FSIP1: variants seen among roughly 807,000 people sequenced by gnomAD.
FSIP1 encodes the protein fibrous sheath interacting protein 1.
In FSIP1, 65 loss-of-function variants were observed where a neutral mutation model predicts 60.9. The observed-to-expected ratio is 1.07, with a 90% CI of 0.87 to 1.31. The LOEUF (loss-of-function observed/expected upper bound fraction) is 1.31. Among genes scored for constraint, FSIP1 ranks in the 40% most tolerant of loss-of-function variants. FSIP1 has a pLI of 0.00. For missense variants in FSIP1, 675 were observed against 665.5 expected (o/e 1.01, Z -0.16); for synonymous variants, 209 against 221.2 (o/e 0.94, Z 0.49).
intron 7 of FSIP1, among the ~76,000 whole-genome samples, chr15:39,739,377 T>A (rs548624147): frequency 9.8e-5 from 15 of 152,370 alleles, no homozygotes; most frequent in African/African-American, 3.6e-4. Context: ...ATTATCTGAA[T>A]AAATGTTTTG....
At position 39,776,530 on chromosome 15, in the gene FSIP1, T is replaced by G; in HGVS notation, c.-6A>C. On this transcript the variant is annotated splice_region_variant and 5_prime_UTR_variant, in exon 2 of 12. Transcript: ENST00000350221. ...TTTCCCTTTATAATATCCATTGAAA[T>G]CCTGAAACAACAAATAAAATATTTA... 1 of 1,593,684 alleles carries G rather than the reference T, an allele frequency of 6.3e-7. No homozygotes were observed. The highest frequency in any genetic ancestry group is 8.6e-7 in the Non-Finnish European group (1 of 1,168,168).
intron 10 of FSIP1, among the ~76,000 whole-genome samples, chr15:39,703,717 A>G (rs1219141123): frequency 2.0e-5 from 3 of 152,224 alleles, no homozygotes; most frequent in Non-Finnish European, 2.9e-5. Flanking sequence ...CACTTTCTGC[A>G]CATGTATCCC....
At chr15:39,740,238 G>C (rs1201412339) in intron 6 of FSIP1, among the ~76,000 whole-genome samples, 2 of 152,094 alleles carry the variant, frequency 1.3e-5, no homozygotes, top group Non-Finnish European at 2.9e-5. Context: ...AGTGCATTTT[G>C]TTTTGCCTGT....
At chr15:39,781,329 T>C (rs116273762) in intron 1 of FSIP1, among the ~76,000 whole-genome samples, 11 of 152,236 alleles carry the variant, frequency 7.2e-5, no homozygotes, top group Admixed American at 6.5e-4. Context: ...TACCAAGTGC[T>C]GACAAAGTTG....
chr15:39,716,421 C>T (rs1895739700), intron 9 of FSIP1, among the ~76,000 whole-genome samples: 1 of 152,054 alleles, frequency 6.6e-6, no homozygotes, highest in Non-Finnish European at 1.5e-5. Flanking sequence ...ATGAACAAAC[C>T]ACCAACTGAG....
intron 9 of FSIP1, among the ~76,000 whole-genome samples, chr15:39,725,386 T>A (rs1015348350): frequency 6.6e-6 from 1 of 152,212 alleles, no homozygotes; most frequent in Non-Finnish European, 1.5e-5. Context: ...CAGAAGCAGC[T>A]GTTCCTGTCC....
At chr15:39,680,004 C>CT (rs1433177255) in intron 10 of FSIP1, among the ~76,000 whole-genome samples, 1 of 152,194 alleles carries the variant, frequency 6.6e-6, no homozygotes, top group Non-Finnish European at 1.5e-5. Flanking sequence ...GTAGTGAACT[C>CT]TTGAGCAAGC....
At chr15:39,760,780 T>C (rs987158165) in intron 5 of FSIP1, among the ~76,000 whole-genome samples, 1 of 152,164 alleles carries the variant, frequency 6.6e-6, no homozygotes, top group Non-Finnish European at 1.5e-5. Flanking sequence ...AGAAAGTCTA[T>C]ACTTTAATTA....
chr15:39,688,578 G>C (rs1003415709), intron 10 of FSIP1, among the ~76,000 whole-genome samples: 2 of 152,112 alleles, frequency 1.3e-5, no homozygotes, highest in African/African-American at 4.8e-5. Flanking sequence ...ATAAATCAGG[G>C]ACCATCTGTA....
At chr15:39,749,591 C>A (rs1897105528) in intron 5 of FSIP1, among the ~76,000 whole-genome samples, 1 of 151,998 alleles carries the variant, frequency 6.6e-6, no homozygotes, top group Non-Finnish European at 1.5e-5. Context: ...TCAATTGATG[C>A]AGAAAAAGCA....
At chr15:39,718,328 G>A (rs1055561937) in intron 9 of FSIP1, among the ~76,000 whole-genome samples, 2 of 150,750 alleles carry the variant, frequency 1.3e-5, no homozygotes, top group African/African-American at 4.9e-5. Context: ...ATATATGTGT[G>A]TATATATATA....
intron 8 of FSIP1, among the ~76,000 whole-genome samples, chr15:39,736,612 T>G (rs985625380): frequency 6.6e-6 from 1 of 152,120 alleles, no homozygotes; most frequent in African/African-American, 2.4e-5. Flanking sequence ...CACACCCTCC[T>G]CCCCCGTGGG....
At chr15:39,612,183 A>T (rs895363877) in intron 11 of FSIP1, among the ~76,000 whole-genome samples, 1 of 152,174 alleles carries the variant, frequency 6.6e-6, no homozygotes, top group Non-Finnish European at 1.5e-5. Context: ...TATACAAAAC[A>T]TCACACCCTA....
chr15:39,770,419 T>C lies in FSIP1; in HGVS notation c.310+8A>G. On this transcript the variant is annotated splice_region_variant and intron_variant, in intron 3 of 11. Coordinates refer to ENST00000350221, the MANE Select transcript of FSIP1 (RefSeq NM_152597.5). ...TATCATTAGCCAATCACCTAGTGAT[T>C]ATCCTACCTGAACACTCAGAGATTA... is the stretch of plus-strand genomic sequence containing the variant. 6.4e-7 allele frequency: 1 copy of C among 1,565,648 alleles called. No individual in the cohort carries two copies. The highest frequency in any genetic ancestry group is 8.6e-7 in the Non-Finnish European group (1 of 1,159,576).
chr15:39,753,216 C>T (rs1279294527), intron 5 of FSIP1, among the ~76,000 whole-genome samples: 1 of 152,006 alleles, frequency 6.6e-6, no homozygotes, highest in Admixed American at 6.6e-5. Context: ...ATTATTTGAA[C>T]CAGATGGTTT....
chr15:39,695,548 A>T (rs1184739902), intron 10 of FSIP1, among the ~76,000 whole-genome samples: 3 of 152,106 alleles, frequency 2.0e-5, no homozygotes, highest in African/African-American at 7.2e-5. Flanking sequence ...TATTTTTCAC[A>T]GTCAAATTCA....
chr15:39,751,336 T>C (rs1331063938), intron 5 of FSIP1, among the ~76,000 whole-genome samples: 2 of 151,790 alleles, frequency 1.3e-5, no homozygotes, highest in Non-Finnish European at 2.9e-5. Context: ...TGTTTATTGC[T>C]CCATTATTCA....
intron 1 of FSIP1, among the ~76,000 whole-genome samples, chr15:39,780,506 C>T (rs915538545): frequency 1.3e-5 from 2 of 152,066 alleles, no homozygotes; most frequent in Admixed American, 6.5e-5. Context: ...GGCAACAGAG[C>T]GAGACTCCGT....
chr15:39,689,529 T>C (rs1894513669), intron 10 of FSIP1, among the ~76,000 whole-genome samples: 1 of 151,996 alleles, frequency 6.6e-6, no homozygotes, highest in Non-Finnish European at 1.5e-5. Context: ...AAGACACTCT[T>C]TTCACTCCAG....
Sources: gnomAD v4.1 joint callset for allele counts (sites outside exome capture counted in the v4.1 genomes callset) on GRCh38, gnomAD v4.1.1 for gene constraint, MANE v1.5 for transcripts, NCBI Gene and HGNC (gene_info 2026-07-23, HGNC 2026-07-21) for gene names.